The following ERO1A variants were observed in gnomAD, a reference collection of about 807,000 sequenced individuals.
The protein encoded by ERO1A is ERO1-like protein alpha.
In ERO1A, 49 loss-of-function variants were observed where a neutral mutation model predicts 76.9. That is an observed-to-expected ratio of 0.64 (90% CI 0.51 to 0.81). The LOEUF is 0.81. Ranked by LOEUF, ERO1A falls within the 30% of genes least tolerant of loss-of-function variation. The pLI is 0.00. For synonymous variants in ERO1A, 174 were observed against 181.2 expected (o/e 0.96, Z 0.32); for missense variants, 448 against 542.1 (o/e 0.83, Z 1.72).
intron 13 of ERO1A, among the ~76,000 whole-genome samples, chr14:52,650,897 C>T (rs745971858): frequency 6.6e-6 from 1 of 152,158 alleles, no homozygotes; most frequent in South Asian, 2.1e-4. Flanking sequence ...ATGACCAGAC[C>T]GCATTCCGTG....
At chr14:52,668,006 G>A (rs2040469084) in intron 6 of ERO1A, among the ~76,000 whole-genome samples, 2 of 150,984 alleles carry the variant, frequency 1.3e-5, no homozygotes. Context: ...CAGTATATTA[G>A]AAGCATAAAT....
At chr14:52,659,087 G>T (rs936208176) in intron 9 of ERO1A, among the ~76,000 whole-genome samples, 7 of 151,978 alleles carry the variant, frequency 4.6e-5, no homozygotes, top group African/African-American at 1.7e-4. Context: ...AAAGCAAAAT[G>T]CAAACAACAA....
intron 4 of ERO1A, among the ~76,000 whole-genome samples, chr14:52,675,463 T>C (rs2040753566): frequency 6.6e-6 from 1 of 152,166 alleles, no homozygotes; most frequent in Non-Finnish European, 1.5e-5. Flanking sequence ...TCTGCTATAT[T>C]TTTAATTTTT....
Position 52,666,498 on chromosome 14 carries a change from G to A in ERO1A, c.509-3C>T, listed in dbSNP as rs1282442660. Reference sequence around the variant, plus strand: ...TTCAGCTTCAGGGGACTGAATGTCTGTAAAATAAAATGTCTTATTAAACCT... The same window carrying A: ...TTCAGCTTCAGGGGACTGAATGTCTATAAAATAAAATGTCTTATTAAACCT... On this transcript the variant is annotated splice_polypyrimidine_tract_variant and splice_region_variant and intron_variant, in intron 6 of 15. Coordinates refer to ENST00000395686, the MANE Select transcript of ERO1A (RefSeq NM_014584.3). The A allele has an allele frequency of 1.2e-6, 2 of 1,603,136 alleles. No individual in the cohort carries two copies. The highest frequency in any genetic ancestry group is 1.8e-5 in the Admixed American group (1 of 57,084).
chr14:52,682,206 C>T (rs1007227149), intron 3 of ERO1A, 119 bp downstream of exon 3: 1 of 717,598 alleles, frequency 1.4e-6, no homozygotes, highest in Non-Finnish European at 2.3e-6. Flanking sequence ...CCAACCTGGG[C>T]AACATAGTGA....
At position 52,670,567 on chromosome 14, in the gene ERO1A, C is replaced by T. The variant is rs371120748; in HGVS notation, c.508+1063G>A. Among the ~76,000 whole-genome samples, 32 of 152,178 alleles carry T rather than the reference C, an allele frequency of 2.1e-4. No homozygotes were observed. The East Asian group carries it at 5.0e-3, about 24-fold the overall frequency. On this transcript the variant is annotated intron_variant, in intron 6 of 15. Coordinates refer to ENST00000395686, the MANE Select transcript of ERO1A (RefSeq NM_014584.3). ...GATCAGAGTTTTAATGAATCTGGGGCTCCTAGCTTTTAACAGCAGCAGCAC... is the reference window on the plus strand; with the variant it reads ...GATCAGAGTTTTAATGAATCTGGGGTTCCTAGCTTTTAACAGCAGCAGCAC...
chr14:52,651,933 G>A (rs1272326633), intron 13 of ERO1A, among the ~76,000 whole-genome samples: 2 of 148,832 alleles, frequency 1.3e-5, no homozygotes, highest in Admixed American at 6.7e-5. Context: ...CAACATCTCC[G>A]TTTTCCCCAT....
intron 3 of ERO1A, among the ~76,000 whole-genome samples, chr14:52,678,898 AT>A (rs1257406302): frequency 2.0e-5 from 3 of 152,166 alleles, no homozygotes; most frequent in Non-Finnish European, 4.4e-5. Flanking sequence ...GGTTTGGGTC[AT>A]GGAGACAGAT....
At position 52,641,716 on chromosome 14, in the gene ERO1A, G is replaced by GTGA. The variant is rs1692228807; in HGVS notation, c.*1851_*1853dup. On this transcript the variant is annotated 3_prime_UTR_variant, in exon 16 of 16. Transcript: ENST00000395686. ...ACACTGTATTTATATTTTATATAGA[G>GTGA]TGATCACTTCATAGTCTTTTGAGTC... The GTGA allele has an allele frequency of 6.6e-6, 1 of 152,182 alleles. No homozygotes were observed. The highest frequency in any genetic ancestry group is 2.1e-4 in the South Asian group (1 of 4,832). The allele number at this position is 152,182 out of a possible 1,614,324, so 9.4% of individuals were successfully genotyped here.
Position 52,640,281 on chromosome 14 carries a change from G to A in ERO1A, c.*3289C>T, listed in dbSNP as rs748077458. Reference sequence around the variant, plus strand: ...GAAGTTAGATGACTCTCCTTGAGTGGAGCAAAGGAGGTTTCACAGAGGAAA... The same window carrying A: ...GAAGTTAGATGACTCTCCTTGAGTGAAGCAAAGGAGGTTTCACAGAGGAAA... On this transcript the variant is annotated 3_prime_UTR_variant, in exon 16 of 16. Coordinates refer to ENST00000395686, the MANE Select transcript of ERO1A (RefSeq NM_014584.3). The A allele has an allele frequency of 6.6e-6, 1 of 152,252 alleles. No homozygotes were observed. Among genetic ancestry groups the A allele is most frequent in the Non-Finnish European group, 1.5e-5 (1 of 68,058 alleles). 9.4% of individuals were successfully genotyped at this position (152,252 alleles called of 1,614,324 possible).
At chr14:52,653,472 T>C (rs186538759) in intron 11 of ERO1A, among the ~76,000 whole-genome samples, 157 bp from the exon 12 acceptor site, 28 of 152,180 alleles carry the variant, frequency 1.8e-4, no homozygotes, top group Non-Finnish European at 3.2e-4. Context: ...TAGCCTTTAA[T>C]AGTTTTATAT....
At chr14:52,672,010 T>G in intron 4 of ERO1A, 139 bp from the exon 5 acceptor site, 1 of 685,554 alleles carries the variant, frequency 1.5e-6, no homozygotes, top group Non-Finnish European at 2.4e-6. Context: ...TTTCATAAAA[T>G]TGCCCATAAT....
intron 4 of ERO1A, among the ~76,000 whole-genome samples, chr14:52,673,943 T>C (rs2040695007): frequency 6.6e-6 from 1 of 152,200 alleles, no homozygotes; most frequent in African/African-American, 2.4e-5. Context: ...TCACAGCTTG[T>C]GTGGACACAA....
At chr14:52,648,273 A>G (rs1283511202) in intron 13 of ERO1A, among the ~76,000 whole-genome samples, 1 of 152,176 alleles carries the variant, frequency 6.6e-6, no homozygotes, top group Non-Finnish European at 1.5e-5. Flanking sequence ...ATATTACTCT[A>G]CAAAGATTCT....
intron 1 of ERO1A, 148 bp downstream of exon 1, chr14:52,695,220 C>T (rs1024323767): frequency 1.9e-6 from 1 of 535,250 alleles, no homozygotes; most frequent in Non-Finnish European, 2.9e-6. Flanking sequence ...GACTCAGTCC[C>T]GGCCACCGGG....
At chr14:52,654,008 G>C (rs2039962490) in intron 11 of ERO1A, among the ~76,000 whole-genome samples, 1 of 151,992 alleles carries the variant, frequency 6.6e-6, no homozygotes, top group African/African-American at 2.4e-5. Context: ...GTTTTCAGAA[G>C]AATAGAGCAA....
At chr14:52,692,051 A>C (rs538100014) in intron 1 of ERO1A, among the ~76,000 whole-genome samples, 14 of 152,334 alleles carry the variant, frequency 9.2e-5, no homozygotes, top group African/African-American at 3.4e-4. Context: ...GGAGCTATCA[A>C]CCAATCTGAA....
chr14:52,661,397 G>T, intron 8 of ERO1A, 93 bp from the exon 9 acceptor site: 1 of 1,047,470 alleles, frequency 9.5e-7, no homozygotes, highest in Non-Finnish European at 1.3e-6. Context: ...CTTTAATAAT[G>T]GTTAGTTTTA....
chr14:52,689,710 C>T (rs1240580446), intron 1 of ERO1A, among the ~76,000 whole-genome samples: 1 of 152,046 alleles, frequency 6.6e-6, no homozygotes, highest in Admixed American at 6.6e-5. Context: ...CCCATACCAC[C>T]CAAAGTGTTC....
Sources: allele counts gnomAD v4.1 joint callset (sites outside exome capture counted in the v4.1 genomes callset), GRCh38; gene constraint gnomAD v4.1.1; transcripts MANE v1.5; gene names NCBI Gene and HGNC (gene_info 2026-07-23, HGNC 2026-07-21).